The following STAG1 variants were observed in gnomAD, a reference collection of about 807,000 sequenced individuals.
STAG1 encodes the protein cohesin subunit SA-1.
Under a neutral mutation model 170.9 loss-of-function variants are expected in STAG1, and 26 were observed. The observed-to-expected ratio is 0.15, with a 90% CI of 0.11 to 0.21. The LOEUF is 0.21. STAG1 is among the 10% of genes least tolerant of loss of function. STAG1 has a pLI of 1.00. For synonymous variants in STAG1, 514 were observed against 497.7 expected, an observed-to-expected ratio of 1.03 and a Z score of -0.44; for missense variants, 964 against 1,509.5, an observed-to-expected ratio of 0.64 and a Z score of 5.99.
chr3:136,469,071 T>C (rs1441674347), intron 12 of STAG1, among the ~76,000 whole-genome samples: 1 of 152,148 alleles, frequency 6.6e-6, no homozygotes, highest in Non-Finnish European at 1.5e-5. Flanking sequence ...CTTTGAAAAC[T>C]GGCACAAGAC....
intron 7 of STAG1, among the ~76,000 whole-genome samples, chr3:136,515,247 C>T (rs1479237091): frequency 6.6e-6 from 1 of 152,072 alleles, no homozygotes; most frequent in Non-Finnish European, 1.5e-5. Flanking sequence ...CGCCTGCAGT[C>T]CCAGCTACTC....
At chr3:136,730,945 G>A (rs1283276950) in intron 1 of STAG1, among the ~76,000 whole-genome samples, 2 of 152,190 alleles carry the variant, frequency 1.3e-5, no homozygotes, top group African/African-American at 4.8e-5. Flanking sequence ...GAATTTCTGA[G>A]TTGGCAGGCC....
intron 3 of STAG1, among the ~76,000 whole-genome samples, chr3:136,615,969 A>G (rs1939573143): frequency 6.6e-6 from 1 of 151,978 alleles, no homozygotes; most frequent in South Asian, 2.1e-4. Flanking sequence ...GTGAGCTTAT[A>G]AAGTAAAAGT....
chr3:136,457,659 C>T (rs753791055), intron 13 of STAG1, among the ~76,000 whole-genome samples: 2 of 152,140 alleles, frequency 1.3e-5, no homozygotes, highest in African/African-American at 4.8e-5. Context: ...ATCACCCCAA[C>T]ACTAATGTGT....
intron 22 of STAG1, among the ~76,000 whole-genome samples, chr3:136,379,009 A>G (rs1249259738): frequency 6.6e-6 from 1 of 152,232 alleles, no homozygotes; most frequent in Non-Finnish European, 1.5e-5. Context: ...CCAAATAATG[A>G]TACTTCAAAA....
At chr3:136,479,198 G>A (rs1226915445) in intron 9 of STAG1, among the ~76,000 whole-genome samples, 1 of 145,872 alleles carries the variant, frequency 6.9e-6, no homozygotes, top group Admixed American at 6.9e-5. Flanking sequence ...TCTAGCATTA[G>A]GTATATCTCC....
At chr3:136,528,691 T>A (rs1047215822) in intron 6 of STAG1, among the ~76,000 whole-genome samples, 3 of 152,072 alleles carry the variant, frequency 2.0e-5, no homozygotes, top group African/African-American at 7.2e-5. Flanking sequence ...GGCTCACATG[T>A]ATCATCCCAC....
At chr3:136,620,518 A>C (rs527610817) in intron 3 of STAG1, among the ~76,000 whole-genome samples, 2 of 152,336 alleles carry the variant, frequency 1.3e-5, no homozygotes, top group African/African-American at 4.8e-5. Context: ...TAGGCAAATT[A>C]CCACTTTTTA....
chr3:136,556,114 T>TA (rs957025535), intron 5 of STAG1, among the ~76,000 whole-genome samples: 1 of 152,138 alleles, frequency 6.6e-6, no homozygotes, highest in Non-Finnish European at 1.5e-5. Flanking sequence ...AAAACTGCTC[T>TA]AAAAAAATAA....
At chr3:136,601,309 C>T (rs969878115) in intron 4 of STAG1, among the ~76,000 whole-genome samples, 1 of 151,996 alleles carries the variant, frequency 6.6e-6, no homozygotes, top group African/African-American at 2.4e-5. Context: ...GCCCAAAAGA[C>T]TGCCACATAA....
chr3:136,555,402 G>GTTTTTAAAAGTGAGCC lies in STAG1; in HGVS notation c.395-13208_395-13207insGGCTCACTTTTAAAAA, dbSNP rs1179315840. ...AATGAGTTTTTAAAAAGTGAATCAC[G>GTTTTTAAAAGTGAGCC]ACTGGGCACAGTGGCTCAAGCCTGT... is the stretch of plus-strand genomic sequence containing the variant. On this transcript the variant is annotated intron_variant, in intron 5 of 33. Coordinates refer to ENST00000383202, the MANE Select transcript of STAG1 (RefSeq NM_005862.3). 1.8e-3 allele frequency among the ~76,000 whole-genome samples: 276 copies of GTTTTTAAAAGTGAGCC among 152,000 alleles called. 1 individual carries two copies. The highest frequency in any genetic ancestry group is 6.2e-3 in the African/African-American group (259 of 41,452).
intron 1 of STAG1, among the ~76,000 whole-genome samples, chr3:136,635,358 A>G (rs1459294020): frequency 6.6e-6 from 1 of 152,196 alleles, no homozygotes; most frequent in Non-Finnish European, 1.5e-5. Flanking sequence ...AAGAGCCAAA[A>G]AAGAAAAACT....
chr3:136,573,463 G>GAC (rs1332449527), intron 4 of STAG1, among the ~76,000 whole-genome samples: 7 of 152,022 alleles, frequency 4.6e-5, no homozygotes, highest in African/African-American at 1.7e-4. Context: ...ATAGAATAAT[G>GAC]ACACACTTCC....
intron 2 of STAG1, among the ~76,000 whole-genome samples, chr3:136,629,093 G>GA (rs941522882): frequency 3.3e-5 from 5 of 151,960 alleles, no homozygotes; most frequent in African/African-American, 1.2e-4. Context: ...ACATTCTTTT[G>GA]AAAAAAATTC....
At chr3:136,416,031 C>T (rs888084785) in intron 21 of STAG1, among the ~76,000 whole-genome samples, 18 of 150,224 alleles carry the variant, frequency 1.2e-4, no homozygotes, top group Admixed American at 8.6e-4. Context: ...TTTTTTGAGA[C>T]GGAGTCTTGC....
intron 1 of STAG1, among the ~76,000 whole-genome samples, chr3:136,671,332 A>G (rs1315834344): frequency 6.6e-6 from 1 of 152,090 alleles, no homozygotes; most frequent in Admixed American, 6.6e-5. Flanking sequence ...TACGTGCCAT[A>G]TAGCTTGCAT....
At position 136,559,778 on chromosome 3, in the gene STAG1, C is replaced by T. The variant is rs184596484; in HGVS notation, c.394+8987G>A. ...TTGATAATGCCCTATCTTTGAGAGGCTGAGTTTCAACAAGGGCTATCAAAA... is the reference window on the plus strand; with the variant it reads ...TTGATAATGCCCTATCTTTGAGAGGTTGAGTTTCAACAAGGGCTATCAAAA... On this transcript the variant is annotated intron_variant, in intron 5 of 33. Coordinates refer to ENST00000383202, the MANE Select transcript of STAG1 (RefSeq NM_005862.3). 1.9e-3 allele frequency among the ~76,000 whole-genome samples: 285 copies of T among 152,264 alleles called. 1 individual carries two copies. Among genetic ancestry groups the T allele is most frequent in the African/African-American group, 6.7e-3 (278 of 41,536 alleles).
At chr3:136,521,651 G>A (rs370731898) in intron 6 of STAG1, among the ~76,000 whole-genome samples, 2 of 151,962 alleles carry the variant, frequency 1.3e-5, no homozygotes, top group African/African-American at 2.4e-5. Context: ...CTACTTTATT[G>A]TTCTAAGTCT....
At chr3:136,397,723 T>C (rs191392127) in intron 22 of STAG1, among the ~76,000 whole-genome samples, 12 of 152,246 alleles carry the variant, frequency 7.9e-5, no homozygotes, top group Admixed American at 2.0e-4. Context: ...TGGATGGACC[T>C]TGAGAAACAT....
Sources: gnomAD v4.1 joint callset for allele counts (sites outside exome capture counted in the v4.1 genomes callset) on GRCh38, gnomAD v4.1.1 for gene constraint, MANE v1.5 for transcripts, NCBI Gene and HGNC (gene_info 2026-07-23, HGNC 2026-07-21) for gene names.